The following HYAL4 variants were observed in gnomAD, a reference collection of about 807,000 sequenced individuals.
HYAL4 encodes hyaluronidase 4, also known as hyaluronidase-4.
Under a neutral mutation model 35.2 loss-of-function variants are expected in HYAL4, and 37 were observed. The observed-to-expected ratio is 1.05, with a 90% confidence interval of 0.81 to 1.38. HYAL4 has a LOEUF of 1.38. Among genes scored for constraint, HYAL4 ranks in the 40% most tolerant of loss-of-function variants. The probability of loss-of-function intolerance (pLI) is 0.00; values close to 1 mark genes in which losing one functional copy is unlikely to be tolerated. For missense variants in HYAL4, 572 were observed against 572.4 expected, an observed-to-expected ratio of 1.00 and a Z score of 0.01; for synonymous variants, 198 against 203.2, an observed-to-expected ratio of 0.97 and a Z score of 0.22.
At chr7:123,768,107 GTAAGAT>G in the HYAL4 span, among the ~76,000 whole-genome samples, 3 of 152,120 alleles carry the variant, frequency 2.0e-5, no homozygotes, top group African/African-American at 7.2e-5. Flanking sequence ...TTTAAAAAAT[GTAAGAT>G]TAAGATTAAC....
At chr7:123,851,032 T>C (rs1442456950) in intron 2 of HYAL4, among the ~76,000 whole-genome samples, 2 of 152,202 alleles carry the variant, frequency 1.3e-5, no homozygotes, top group African/African-American at 4.8e-5. Flanking sequence ...TTAAAAAATA[T>C]TTGTATGAAA....
chr7:123,827,952 G>A (rs150120338), upstream of HYAL4, among the ~76,000 whole-genome samples: 504 of 152,136 alleles, frequency 3.3e-3, 2 homozygotes, highest in African/African-American at 0.011. Flanking sequence ...ATGGATCAAG[G>A]CAGACATTTA....
chr7:123,770,752 T>G, the HYAL4 span, among the ~76,000 whole-genome samples: 108 of 151,970 alleles, frequency 7.1e-4, no homozygotes, highest in Non-Finnish European at 6.8e-4. Flanking sequence ...ATTTACATGA[T>G]CCGAGTTGTG....
chr7:123,815,015 CT>C, the HYAL4 span: 2 of 152,376 alleles, frequency 1.3e-5, no homozygotes, highest in African/African-American at 4.8e-5. Flanking sequence ...TTGCATAGTA[CT>C]GAAGCTCTGT....
chr7:123,853,559 G>T (rs1056615312), intron 2 of HYAL4, among the ~76,000 whole-genome samples: 1 of 152,180 alleles, frequency 6.6e-6, no homozygotes, highest in Non-Finnish European at 1.5e-5. Context: ...AACCACTCTT[G>T]CATCTCAGGG....
chr7:123,838,236 G>A (rs1302756637), intron 1 of HYAL4, among the ~76,000 whole-genome samples: 1 of 143,826 alleles, frequency 7.0e-6, no homozygotes, highest in Non-Finnish European at 1.5e-5. Flanking sequence ...ATTCTTTACA[G>A]AGCCTTTTTT....
chr7:123,844,533 C>T (rs1031972547), upstream of HYAL4, among the ~76,000 whole-genome samples: 8 of 152,178 alleles, frequency 5.3e-5, no homozygotes, highest in Non-Finnish European at 1.2e-4. Context: ...AGAGCTCAAA[C>T]GCGGTGCTGG....
At chr7:123,839,745 G>T (rs1322541106) in intron 1 of HYAL4, among the ~76,000 whole-genome samples, 3 of 152,184 alleles carry the variant, frequency 2.0e-5, no homozygotes, top group Non-Finnish European at 4.4e-5. Flanking sequence ...GTGATGATGA[G>T]AACTTTTTCA....
At chr7:123,782,908 C>T in the HYAL4 span, among the ~76,000 whole-genome samples, 22 of 152,086 alleles carry the variant, frequency 1.4e-4, 1 homozygote, top group East Asian at 3.1e-3. Flanking sequence ...ATTAGTTTAA[C>T]CATATTCAGA....
rs763834467 is a variant in HYAL4, at chr7:123,868,525, G to A, written c.252G>A (p.Gly84=). ...GAAGCCCACTGGCCAAGGCCAGGGG[G>A]CAAAATGTCACTATATTTTATGTCA... ...VIGSPLAKAR[G]QNVTIFYVNR... The change falls in exon 3 of 5, where the codon GGG becomes GGA. Residue 84 remains glycine (G), a synonymous_variant. Transcript: ENST00000223026. The A allele has an allele frequency of 4.3e-6, 7 of 1,609,574 alleles. No homozygotes were observed. The East Asian group carries it at 1.1e-4, about 26-fold the overall frequency.
chr7:123,782,770 T>C, the HYAL4 span, among the ~76,000 whole-genome samples: 1 of 152,160 alleles, frequency 6.6e-6, no homozygotes, highest in Admixed American at 6.5e-5. Flanking sequence ...TTACAACATG[T>C]ACTCGCTTCT....
chr7:123,832,760 CA>C (rs1378396649), intron 1 of HYAL4, among the ~76,000 whole-genome samples: 1 of 151,948 alleles, frequency 6.6e-6, no homozygotes, highest in Non-Finnish European at 1.5e-5. Flanking sequence ...TTCGGCCCCC[CA>C]GGCGTGAGCC....
At chr7:123,813,448 G>GA in the HYAL4 span, among the ~76,000 whole-genome samples, 2 of 152,072 alleles carry the variant, frequency 1.3e-5, no homozygotes, top group Non-Finnish European at 2.9e-5. Flanking sequence ...TTCTTTATAG[G>GA]AAAACCACTG....
chr7:123,848,494 C>G (rs1259517419), intron 2 of HYAL4, among the ~76,000 whole-genome samples: 1 of 152,160 alleles, frequency 6.6e-6, no homozygotes, highest in African/African-American at 2.4e-5. Flanking sequence ...GATTGCATTA[C>G]TAACCTTAAC....
chr7:123,820,397 A>G, the HYAL4 span, among the ~76,000 whole-genome samples: 1 of 151,954 alleles, frequency 6.6e-6, no homozygotes, highest in Non-Finnish European at 1.5e-5. Flanking sequence ...CAGCCTGACC[A>G]ACATGGAGAA....
Position 123,845,392 on chromosome 7 carries a change from A to C in HYAL4, c.-415A>C, listed in dbSNP as rs562872420. On this transcript the variant is annotated 5_prime_UTR_variant, in exon 1 of 5. Transcript: ENST00000223026. Reference sequence around the variant, plus strand: ...CCCAGCTAATTTTTGTATTTTTAGTAGAGATGGGGTTTCACCATATTGGCC... The same window carrying C: ...CCCAGCTAATTTTTGTATTTTTAGTCGAGATGGGGTTTCACCATATTGGCC... 8.6e-5 allele frequency: 13 copies of C among 151,450 alleles called. No individual in the cohort carries two copies. The highest frequency in any genetic ancestry group is 2.9e-4 in the African/African-American group (12 of 41,194). The allele number at this position is 151,450 out of a possible 1,614,324, so 9.4% of individuals were successfully genotyped here. A position where few individuals can be genotyped will look rare whatever the true frequency, so the allele number is the denominator to read the frequency against.
intron 3 of HYAL4, among the ~76,000 whole-genome samples, chr7:123,874,418 T>C (rs1348916896): frequency 1.3e-5 from 2 of 152,236 alleles, no homozygotes; most frequent in East Asian, 3.9e-4. Context: ...TGTTTTTTGC[T>C]TTTGAGGCGG....
chr7:123,807,432 G>GTTTTTTGT, the HYAL4 span, among the ~76,000 whole-genome samples: 1 of 120,802 alleles, frequency 8.3e-6, no homozygotes, highest in Non-Finnish European at 1.7e-5. Context: ...ACTTTTTATG[G>GTTTTTTGT]TTTTTTTTTT....
chr7:123,868,516 G>C lies in HYAL4; in HGVS notation c.243G>C (p.Lys81Asn). The change falls in exon 3 of 5, where the codon AAG becomes AAC. Residue 81 changes from lysine to asparagine, a missense_variant. Lys to Asn is a moderately conservative substitution (Grantham distance 94, BLOSUM62 0). Transcript: ENST00000223026. ...MFPVIGSPLA[K>N]ARGQNVTIFY... is the part of the protein sequence containing the mutation. ...CTGTGATTGGAAGCCCACTGGCCAA[G>C]GCCAGGGGGCAAAATGTCACTATAT... 1.2e-6 allele frequency: 2 copies of C among 1,609,148 alleles called. No individual in the cohort carries two copies. The highest frequency in any genetic ancestry group is 1.7e-6 in the Non-Finnish European group (2 of 1,178,746).
Sources: gnomAD v4.1 joint callset for allele counts (sites outside exome capture counted in the v4.1 genomes callset) on GRCh38, gnomAD v4.1.1 for gene constraint, MANE v1.5 for transcripts, NCBI Gene and HGNC (gene_info 2026-07-23, HGNC 2026-07-21) for gene names.